Variants in NYNRIN observed in about 807,000 individuals in gnomAD.
NYNRIN encodes NYN domain and retroviral integrase containing.
NYNRIN carries 86 observed loss-of-function variants against 146.6 expected under a neutral mutation model. The ratio of observed to expected loss-of-function variants is 0.59; its 90% CI spans 0.49 to 0.70. NYNRIN has a LOEUF of 0.70. Among genes scored for constraint, NYNRIN ranks in the 30% least tolerant of loss-of-function variants. The pLI is 0.00. For missense variants in NYNRIN, 2,191 were observed against 2,377.7 expected (o/e 0.92, Z 1.63); for synonymous variants, 1,027 against 1,001.3 (o/e 1.03, Z -0.48).
rs1277362387 is a variant in NYNRIN at position 24,407,952 on chromosome 14, C to T, written c.282C>T (p.Ala94=). 1.9e-6 allele frequency: 3 copies of T among 1,613,878 alleles called. No individual in the cohort carries two copies. Among genetic ancestry groups the T allele is most frequent in the African/African-American group, 2.7e-5 (2 of 74,932 alleles). The change falls in exon 3 of 9, where the codon GCC becomes GCT. Residue 94 remains alanine, a synonymous_variant. Transcript: ENST00000382554. ...PPILHCAFLG[A]QGLFLDCLCW... is the part of the protein sequence containing the mutation. ...TCCTGCACTGTGCCTTCCTTGGGGC[C>T]CAAGGCCTCTTCCTGGACTGCCTCT...
chr14:24,407,915 G>T lies in NYNRIN; in HGVS notation c.245G>T (p.Arg82Leu), dbSNP rs2042884846. ...LCSPELWKEV[R>L]YPPILHCAFL... ...AGCCCAGAGCTGTGGAAAGAGGTTC[G>T]CTACCCACCGATCCTGCACTGTGCC... is the stretch of plus-strand genomic sequence containing the variant. The change falls in exon 3 of 9, where the codon CGC becomes CTC. Residue 82 changes from arginine to leucine, a missense_variant. Arg to Leu is a moderately radical substitution (Grantham distance 102, BLOSUM62 -2). Transcript: ENST00000382554. 1 of 1,613,704 alleles carries T rather than the reference G, an allele frequency of 6.2e-7. No homozygotes were observed. Among genetic ancestry groups the T allele is most frequent in the Non-Finnish European group, 8.5e-7 (1 of 1,179,746 alleles).
At position 24,408,782 on chromosome 14, in the gene NYNRIN, G is replaced by A; in HGVS notation, c.988G>A (p.Asp330Asn). 6.2e-7 allele frequency: 1 copy of A among 1,614,044 alleles called. No homozygotes were observed. Among genetic ancestry groups the A allele is most frequent in the Admixed American group, 1.7e-5 (1 of 60,026 alleles). Residue 330 changes from aspartate to asparagine, a missense_variant, in exon 4 of 9, where the codon GAT becomes AAT. This residue lies in a region of NYNRIN where 895 missense variants were observed against 941.2 expected (regional missense o/e 0.95). Coordinates refer to ENST00000382554, the MANE Select transcript of NYNRIN (RefSeq NM_025081.3). The stretch of plus-strand genomic sequence containing the variant: ...GCAAAGGCAGGTCCAGAAGATAGAA[G>A]ATAAACTCCTCTTCCAACCTCCAGT... Reference protein sequence around the residue: ...LKQRQVQKIEDKLLFQPPVSA... With the variant: ...LKQRQVQKIENKLLFQPPVSA...
chr14:24,405,068 A>ATG (rs1337556198), intron 2 of NYNRIN, among the ~76,000 whole-genome samples: 57 of 123,734 alleles, frequency 4.6e-4, no homozygotes, highest in African/African-American at 1.3e-3. Context: ...ATGTGTGTGA[A>ATG]TGTGTGTGTG....
chr14:24,401,952 A>G (rs994857349), intron 2 of NYNRIN, among the ~76,000 whole-genome samples: 1 of 152,206 alleles, frequency 6.6e-6, no homozygotes, highest in Non-Finnish European at 1.5e-5. Flanking sequence ...GGGACACAGA[A>G]TCATGCACTT....
In NYNRIN at chr14:24,409,006, G is replaced by T. The variant is rs2042893377; in HGVS notation, c.1212G>T (p.Leu404=). ...CTCTGGGCCCCATTCAGTTGAAGCT[G>T]CCAGGGCAGAATCCTTTGCCCTTAA... ...QRPLGPIQLK[L]PGQNPLPLNL... The change falls in exon 4 of 9, where the codon CTG becomes CTT. Residue 404 remains leucine (L), a synonymous_variant. Coordinates refer to ENST00000382554, the MANE Select transcript of NYNRIN (RefSeq NM_025081.3). 26 of 1,613,538 alleles carry T rather than the reference G, an allele frequency of 1.6e-5. No individual in the cohort carries two copies. Among genetic ancestry groups the T allele is most frequent in the Non-Finnish European group, 2.2e-5 (26 of 1,179,736 alleles).
intron 2 of NYNRIN, among the ~76,000 whole-genome samples, chr14:24,402,014 C>T (rs2139341233): frequency 6.6e-6 from 1 of 152,176 alleles, no homozygotes; most frequent in South Asian, 2.1e-4. Flanking sequence ...CTCTGGGAGA[C>T]TACAGGTTGC....
chr14:24,413,437 C>T lies in NYNRIN; in HGVS notation c.2846+20C>T. ...AAACAGGTAATAGGTCAGACCTCCCCAGCCTCCCAGGCCCTCCTGGGGCTG... is the reference window on the plus strand; with the variant it reads ...AAACAGGTAATAGGTCAGACCTCCCTAGCCTCCCAGGCCCTCCTGGGGCTG... On this transcript the variant is annotated intron_variant, in intron 8 of 8. Coordinates refer to ENST00000382554, the MANE Select transcript of NYNRIN (RefSeq NM_025081.3). The T allele has an allele frequency of 6.4e-7, 1 of 1,550,970 alleles. No individual in the cohort carries two copies. Among genetic ancestry groups the T allele is most frequent in the Non-Finnish European group, 8.8e-7 (1 of 1,138,478 alleles).
At chr14:24,400,502 C>G (rs928889502) in intron 2 of NYNRIN, among the ~76,000 whole-genome samples, 1 of 152,174 alleles carries the variant, frequency 6.6e-6, no homozygotes, top group African/African-American at 2.4e-5. Context: ...GCCCAGAACT[C>G]GGCCAGCCAG....
At chr14:24,399,149 G>A (rs977973268) in intron 1 of NYNRIN, 63 bp downstream of exon 1, 4 of 1,161,884 alleles carry the variant, frequency 3.4e-6, no homozygotes, top group Non-Finnish European at 4.8e-6. Context: ...AGGAGGGGGC[G>A]TGGCTTAGGC....
chr14:24,401,654 A>C (rs2042844440), intron 2 of NYNRIN, among the ~76,000 whole-genome samples: 1 of 152,246 alleles, frequency 6.6e-6, no homozygotes. Flanking sequence ...TACCTGGTTC[A>C]TGAAGAGTTT....
At position 24,399,372 on chromosome 14, in the gene NYNRIN, C is replaced by A. The variant is rs745911582; in HGVS notation, c.126C>A (p.Phe42Leu). Residue 42 changes from phenylalanine (F) to leucine (L), a missense_variant, in exon 2 of 9, where the codon TTC becomes TTA. By Grantham distance (22) the Phe-to-Leu change is conservative. Transcript: ENST00000382554. ...QRIFRVKLNA[F>L]QSRPDTPYFW... is the part of the protein sequence containing the mutation. ...TCTTTAGGGTCAAGCTGAACGCCTT[C>A]CAGAGCCGCCCGGACACCCCCTACT... is the stretch of plus-strand genomic sequence containing the variant. 6.8e-6 allele frequency: 11 copies of A among 1,613,706 alleles called. No individual in the cohort carries two copies. The highest frequency in any genetic ancestry group is 1.3e-5 in the African/African-American group (1 of 74,926).
chr14:24,407,077 A>G (rs1170905028), intron 2 of NYNRIN, among the ~76,000 whole-genome samples: 1 of 152,156 alleles, frequency 6.6e-6, no homozygotes, highest in African/African-American at 2.4e-5. Flanking sequence ...TTAGGGGTAC[A>G]GGTTGTGCTA....
rs1375915343 is a variant in NYNRIN, at chr14:24,411,040, T to G, written c.2415-36T>G. On this transcript the variant is annotated intron_variant, in intron 4 of 8. Transcript: ENST00000382554. This position sits in a 1 kb window ranked among gnomAD's most constrained non-coding sequence, Gnocchi z 4.3. ...AGGGCTGGCTCTGAGGGAGGAGTGGTGAGGCAGGGTCTTTCCTTGTCCCAC... is the reference window on the plus strand; with the variant it reads ...AGGGCTGGCTCTGAGGGAGGAGTGGGGAGGCAGGGTCTTTCCTTGTCCCAC... The G allele has an allele frequency of 1.2e-6, 2 of 1,611,788 alleles. No homozygotes were observed. The highest frequency in any genetic ancestry group is 8.5e-7 in the Non-Finnish European group (1 of 1,179,242).
rs199557445 is a variant in NYNRIN at position 24,409,105 on chromosome 14, G to T, written c.1311G>T (p.Gly437=). Residue 437 remains glycine, a synonymous_variant, in exon 4 of 9, where the codon GGG becomes GGT. Transcript: ENST00000382554. ...GCCCAGCTGGTAGACCAGATGGGGGGCTGGGAGGAGAAGCAGCCCTGCAGA... is the reference window on the plus strand; with the variant it reads ...GCCCAGCTGGTAGACCAGATGGGGGTCTGGGAGGAGAAGCAGCCCTGCAGA... ...AESPAGRPDG[G]LGGEAALQNC... The T allele has an allele frequency of 2.5e-6, 4 of 1,613,750 alleles. No homozygotes were observed. Among genetic ancestry groups the T allele is most frequent in the South Asian group, 1.1e-5 (1 of 91,046 alleles).
At chr14:24,405,068 A>ATGTGTG (rs1337556198) in intron 2 of NYNRIN, among the ~76,000 whole-genome samples, 2 of 123,738 alleles carry the variant, frequency 1.6e-5, no homozygotes, top group African/African-American at 3.2e-5. Context: ...ATGTGTGTGA[A>ATGTGTG]TGTGTGTGTG....
chr14:24,408,041 C>G lies in NYNRIN; in HGVS notation c.371C>G (p.Thr124Ser). ...GGCTCCCTGATGGTGGGCGGGCTGA[C>G]TGAGTCTTTCATCATGACACAGAAC... ...PPGSLMVGGL[T>S]ESFIMTQNWL... The change falls in exon 3 of 9, where the codon ACT becomes AGT. Residue 124 changes from threonine to serine, a missense_variant. Physicochemically the swap from Thr to Ser is moderately conservative, Grantham distance 58 (BLOSUM62 1). Around this residue, in one of 3 missense-constraint regions of NYNRIN, gnomAD observed 895 missense variants for 941.2 expected, o/e 0.95. Transcript: ENST00000382554. 1 of 1,614,004 alleles carries G rather than the reference C, an allele frequency of 6.2e-7. No homozygotes were observed. Among genetic ancestry groups the G allele is most frequent in the Non-Finnish European group, 8.5e-7 (1 of 1,179,892 alleles).
chr14:24,400,003 G>A (rs558272406), intron 2 of NYNRIN, among the ~76,000 whole-genome samples: 1 of 152,308 alleles, frequency 6.6e-6, no homozygotes, highest in African/African-American at 2.4e-5. Context: ...GCCAGAGAGG[G>A]TAAGGGGCCT....
chr14:24,401,058 G>A (rs775312014), intron 2 of NYNRIN, among the ~76,000 whole-genome samples: 25 of 152,148 alleles, frequency 1.6e-4, no homozygotes, highest in Non-Finnish European at 3.4e-4. Flanking sequence ...CAAAGTGCTG[G>A]GATTACAGGC....
In NYNRIN at chr14:24,417,211, G is replaced by C; in HGVS notation, c.5462G>C (p.Ser1821Thr). 1 of 1,614,078 alleles carries C rather than the reference G, an allele frequency of 6.2e-7. No individual in the cohort carries two copies. The highest frequency in any genetic ancestry group is 8.5e-7 in the Non-Finnish European group (1 of 1,179,898). Residue 1821 changes from serine to threonine, a missense_variant, in exon 9 of 9, where the codon AGC (serine) becomes ACC (threonine). By Grantham distance (58) the Ser-to-Thr change is moderately conservative. Coordinates refer to ENST00000382554, the MANE Select transcript of NYNRIN (RefSeq NM_025081.3). Reference sequence around the variant, plus strand: ...GAGAACAGGCGTTTCAAGCGGGAGAGCCAGGAGAAGGAGTGGAATGTGGGT... The same window carrying C: ...GAGAACAGGCGTTTCAAGCGGGAGACCCAGGAGAAGGAGTGGAATGTGGGT... ...KAENRRFKRE[S>T]QEKEWNVGDQ...
Sources: gnomAD v4.1 joint callset for allele counts (sites outside exome capture counted in the v4.1 genomes callset) on GRCh38, gnomAD v4.1.1 for gene constraint, gnomAD v4.1.1 regional missense constraint, Gnocchi (gnomAD v3.1) non-coding constraint, MANE v1.5 for transcripts, NCBI Gene and HGNC (gene_info 2026-07-23, HGNC 2026-07-21) for gene names.